The following EPB41L3 variants were observed in gnomAD, a reference collection of about 807,000 sequenced individuals.
EPB41L3 encodes erythrocyte membrane protein band 4.1 like 3, also known as band 4.1-like protein 3.
Under a neutral mutation model 127.1 loss-of-function variants are expected in EPB41L3, and 57 were observed. The ratio of observed to expected loss-of-function variants is 0.45; its 90% CI spans 0.36 to 0.56. The LOEUF (loss-of-function observed/expected upper bound fraction) is 0.56, where lower values mean the gene tolerates loss of function less well. Among genes scored for constraint, EPB41L3 ranks in the 20% least tolerant of loss-of-function variants. The pLI is 0.00. For missense variants in EPB41L3, 1,273 were observed against 1,372.2 expected (o/e 0.93, Z 1.14); for synonymous variants, 572 against 549.5 (o/e 1.04, Z -0.57).
At position 5,499,483 on chromosome 18, in the gene EPB41L3, G is replaced by A. The variant is rs533658276; in HGVS notation, c.-11-10289C>T. 3.9e-5 allele frequency among the ~76,000 whole-genome samples: 6 copies of A among 152,086 alleles called. No individual in the cohort carries two copies. The East Asian group carries it at 1.2e-3, about 29-fold the overall frequency. On this transcript the variant is annotated intron_variant, in intron 1 of 22. Transcript: ENST00000341928. The stretch of plus-strand genomic sequence containing the variant: ...TTTTGTAAAATTATACTTTGTTTTG[G>A]CTGGGTGCGGTGGCTCATACCTGTA...
chr18:5,575,008 T>C (rs1471203726), intron 3 of EPB41L3, among the ~76,000 whole-genome samples: 3 of 152,146 alleles, frequency 2.0e-5, no homozygotes, highest in Admixed American at 2.0e-4. Flanking sequence ...CATCACTTCC[T>C]GTACCATCAC....
At chr18:5,453,866 T>C (rs1288646820) in intron 3 of EPB41L3, among the ~76,000 whole-genome samples, 1 of 152,220 alleles carries the variant, frequency 6.6e-6, no homozygotes, top group African/African-American at 2.4e-5. Context: ...CTTCTCACAT[T>C]ATTTTGGACG....
At chr18:5,437,923 G>T in intron 6 of EPB41L3, 112 bp downstream of exon 6, 3 of 863,074 alleles carry the variant, frequency 3.5e-6, no homozygotes, top group Admixed American at 2.7e-5. Flanking sequence ...TTTGCCATTT[G>T]AGCGTGGATG....
chr18:5,441,575 C>T (rs1370238007), intron 5 of EPB41L3, among the ~76,000 whole-genome samples: 1 of 151,932 alleles, frequency 6.6e-6, no homozygotes, highest in Admixed American at 6.5e-5. Flanking sequence ...ACGCCATTCT[C>T]CTGCCTCAGC....
Position 5,609,656 on chromosome 18 carries a change from G to T in EPB41L3, c.-306+2684C>A, listed in dbSNP as rs192517564. On this transcript the variant is annotated intron_variant, in intron 3 of 21. Coordinates refer to the EPB41L3 transcript ENST00000545076. Reference sequence around the variant, plus strand: ...CATTTTATATCAACACATCAACAACGTACAATTTCCAATGGACTTATATTA... The same window carrying T: ...CATTTTATATCAACACATCAACAACTTACAATTTCCAATGGACTTATATTA... Among the ~76,000 whole-genome samples the T allele has an allele frequency of 3.9e-4, 60 of 152,158 alleles. 1 individual carries two copies. In the South Asian group the frequency reaches 0.011, roughly 29 times the overall value.
intron 1 of EPB41L3, among the ~76,000 whole-genome samples, chr18:5,515,589 T>G (rs2092717276): frequency 6.6e-6 from 1 of 152,094 alleles, no homozygotes; most frequent in African/African-American, 2.4e-5. Context: ...ATCACCAGGA[T>G]TAACTGAAAT....
At chr18:5,571,405 C>A (rs1243806257) in intron 3 of EPB41L3, among the ~76,000 whole-genome samples, 1 of 152,100 alleles carries the variant, frequency 6.6e-6, no homozygotes, top group Non-Finnish European at 1.5e-5. Context: ...TCAGCCTATT[C>A]TGTACCAAAT....
chr18:5,435,438 T>C (rs1320194527), intron 6 of EPB41L3, among the ~76,000 whole-genome samples: 4 of 152,172 alleles, frequency 2.6e-5, no homozygotes, highest in Middle Eastern at 3.2e-3. Context: ...AAATCTTTTA[T>C]ATTATATTTT....
rs201195904 is a variant in EPB41L3, at chr18:5,397,334, G to A, written c.2565C>T (p.Thr855=). ...CCACACGCCGCTCCTCCACCAACAC[G>A]GTCTCCTGCACCACCTTCTCAGTGC... ...PLSTEKVVQE[T]VLVEERRVVH... Residue 855 remains threonine (T), a synonymous_variant, in exon 18 of 23, where the codon ACC becomes ACT. Coordinates refer to ENST00000341928, the MANE Select transcript of EPB41L3 (RefSeq NM_012307.5). The surrounding 1 kb of genome is among the most constrained non-coding windows in gnomAD (Gnocchi z 4.1). 1.4e-5 allele frequency: 23 copies of A among 1,613,858 alleles called. No homozygotes were observed. Among genetic ancestry groups the A allele is most frequent in the East Asian group, 4.5e-5 (2 of 44,876 alleles).
chr18:5,573,143 A>G (rs1272965421), intron 3 of EPB41L3, among the ~76,000 whole-genome samples: 4 of 152,190 alleles, frequency 2.6e-5, no homozygotes, highest in African/African-American at 4.8e-5. Flanking sequence ...TGACATTTAA[A>G]ATCCTGACAC....
At position 5,393,164 on chromosome 18, in the gene EPB41L3, C is replaced by A; in HGVS notation, c.*321G>T. 6.4e-6 allele frequency: 2 copies of A among 311,004 alleles called. No individual in the cohort carries two copies. The highest frequency in any genetic ancestry group is 1.2e-5 in the Non-Finnish European group (2 of 171,250). 19.3% of individuals were successfully genotyped at this position (311,004 alleles called of 1,614,324 possible). A position where few individuals can be genotyped will look rare whatever the true frequency, so the allele number is the denominator to read the frequency against. ...GAATTGTTTATGTGTTACATGAGAC[C>A]ACGGTTTATATTGTTGGTTATGAAC... On this transcript the variant is annotated 3_prime_UTR_variant, in exon 23 of 23. Transcript: ENST00000341928.
At chr18:5,558,064 A>C (rs2094066518) in intron 3 of EPB41L3, among the ~76,000 whole-genome samples, 1 of 152,228 alleles carries the variant, frequency 6.6e-6, no homozygotes, top group Non-Finnish European at 1.5e-5. Context: ...CTTTGCAAGT[A>C]TTTGACATAC....
chr18:5,612,345 C>A (rs1485927245), exon 3 of EPB41L3: 1 of 152,242 alleles, frequency 6.6e-6, no homozygotes, highest in Non-Finnish European at 1.5e-5. Flanking sequence ...CCTACCAAGA[C>A]CAGAGATGGG....
At position 5,591,866 on chromosome 18, in the gene EPB41L3, T is replaced by C. The variant is rs144250807; in HGVS notation, c.-306+20474A>G. ...ACTATTAAATAGATATGTGATGTAATCCTTTATAGTCACTACCCTTCCCAG... is the reference window on the plus strand; with the variant it reads ...ACTATTAAATAGATATGTGATGTAACCCTTTATAGTCACTACCCTTCCCAG... On this transcript the variant is annotated intron_variant, in intron 3 of 21. Transcript: ENST00000545076. 9.6e-3 allele frequency among the ~76,000 whole-genome samples: 1,458 copies of C among 152,292 alleles called. 21 individuals carry two copies. Among genetic ancestry groups the C allele is most frequent in the African/African-American group, 0.028 (1,157 of 41,574 alleles).
intron 3 of EPB41L3, among the ~76,000 whole-genome samples, chr18:5,470,706 G>A (rs553754713): frequency 2.0e-5 from 3 of 152,356 alleles, no homozygotes; most frequent in East Asian, 1.9e-4. Flanking sequence ...TGCTGAGGAA[G>A]TAGGCTCAGA....
chr18:5,424,095 A>G (rs1261733650), intron 10 of EPB41L3, among the ~76,000 whole-genome samples, 167 bp downstream of exon 10: 4 of 152,186 alleles, frequency 2.6e-5, no homozygotes, highest in African/African-American at 9.7e-5. Context: ...AAATCCTTCA[A>G]ATTTAGTCTT....
intron 16 of EPB41L3, chr18:5,399,184 GTT>G (rs2074090948): frequency 2.5e-6 from 1 of 398,868 alleles, no homozygotes; most frequent in Non-Finnish European, 4.4e-6. Context: ...TATATTTTCT[GTT>G]TGCTGTCTTC....
intron 1 of EPB41L3, chr18:5,540,541 A>C: frequency 1.0e-6 from 1 of 985,490 alleles, no homozygotes; most frequent in Non-Finnish European, 1.2e-6. Flanking sequence ...CCCACAGCCA[A>C]GGCAAATCAA....
chr18:5,628,723 A>C (rs1356228253), intron 1 of EPB41L3, among the ~76,000 whole-genome samples: 2 of 152,040 alleles, frequency 1.3e-5, no homozygotes, highest in African/African-American at 2.4e-5. Flanking sequence ...GGGCGGCCGA[A>C]CGCGCCGCGT....
Sources: gnomAD v4.1 joint callset for allele counts (sites outside exome capture counted in the v4.1 genomes callset) on GRCh38, gnomAD v4.1.1 for gene constraint, Gnocchi (gnomAD v3.1) non-coding constraint, MANE v1.5 for transcripts, NCBI Gene and HGNC (gene_info 2026-07-23, HGNC 2026-07-21) for gene names.